The following DNAH9 variants were observed in gnomAD, a reference collection of about 807,000 sequenced individuals.
The protein encoded by DNAH9 is DNAH9 variant protein.
In DNAH9, 345 loss-of-function variants were observed where a neutral mutation model predicts 471.6. The ratio of observed to expected loss-of-function variants is 0.73; its 90% confidence interval spans 0.67 to 0.80. DNAH9 has a LOEUF of 0.80. Ranked by LOEUF, DNAH9 falls within the 30% of genes least tolerant of loss-of-function variation. DNAH9 has a pLI of 0.00. For missense variants in DNAH9, 5,407 were observed against 5,609.2 expected, an observed-to-expected ratio of 0.96 and a Z score of 1.15; for synonymous variants, 2,093 against 2,123.6, an observed-to-expected ratio of 0.99 and a Z score of 0.40.
chr17:11,800,248 A>G (rs1273543248), intron 43 of DNAH9, among the ~76,000 whole-genome samples: 4 of 151,366 alleles, frequency 2.6e-5, no homozygotes, highest in Non-Finnish European at 1.5e-5. Flanking sequence ...TGCCTTCCCT[A>G]CAACTTCAGT....
chr17:11,712,266 G>A (rs2074881071), intron 26 of DNAH9, among the ~76,000 whole-genome samples: 1 of 149,108 alleles, frequency 6.7e-6, no homozygotes, highest in African/African-American at 2.5e-5. Context: ...TCTGTAGTTG[G>A]TTATTTTTTA....
chr17:11,604,614 A>G (rs567355489), intron 1 of DNAH9, among the ~76,000 whole-genome samples: 1 of 151,712 alleles, frequency 6.6e-6, no homozygotes, highest in Non-Finnish European at 1.5e-5. Flanking sequence ...ATCTTACTCC[A>G]CCTTTACTCC....
rs1969306901 is a variant in DNAH9, at chr17:11,797,938, A to AGCAGCT, written c.8420+152_8420+157dup. ...TAAAAGTCAAGATGGCTGCTGGCAG[A>AGCAGCT]GCAGCTGCAGCTCCTGCCGCAGACC... On this transcript the variant is annotated intron_variant, in intron 43 of 68. Coordinates refer to ENST00000262442, the MANE Select transcript of DNAH9 (RefSeq NM_001372.4). The AGCAGCT allele has an allele frequency of 1.7e-5, 13 of 780,240 alleles. No individual in the cohort carries two copies. The East Asian group carries it at 3.5e-4, about 21-fold the overall frequency. The allele number at this position is 780,240 out of a possible 1,614,324, so 48.3% of individuals were successfully genotyped here. A position where few individuals can be genotyped will look rare whatever the true frequency, so the allele number is the denominator to read the frequency against.
chr17:11,767,683 G>A (rs935431867), intron 36 of DNAH9, among the ~76,000 whole-genome samples: 2 of 145,186 alleles, frequency 1.4e-5, no homozygotes, highest in African/African-American at 5.6e-5. Flanking sequence ...GTAGTAATGG[G>A]TATGTTTTGG....
intron 59 of DNAH9, among the ~76,000 whole-genome samples, chr17:11,899,700 A>G (rs766312771): frequency 3.1e-4 from 47 of 152,148 alleles, no homozygotes; most frequent in Non-Finnish European, 7.3e-5. Flanking sequence ...AGGGTTAATA[A>G]TGATGCAAAC....
chr17:11,742,093 G>C, intron 29 of DNAH9, 82 bp from the exon 30 acceptor site: 1 of 1,314,204 alleles, frequency 7.6e-7, no homozygotes, highest in Non-Finnish European at 1.1e-6. Context: ...GTGTGATCTC[G>C]GCCAGTGCTT....
Position 11,689,646 on chromosome 17 carries a change from T to A in DNAH9, c.3824T>A (p.Ile1275Asn), listed in dbSNP as rs1567720001. The A allele has an allele frequency of 1.2e-6, 2 of 1,614,098 alleles. No individual in the cohort carries two copies. The highest frequency in any genetic ancestry group is 3.3e-5 in the Admixed American group (2 of 60,020). Residue 1275 changes from isoleucine (I) to asparagine (N), a missense_variant, in exon 20 of 69, where the codon ATT becomes AAT. By Grantham distance (149) the Ile-to-Asn change is moderately radical. Transcript: ENST00000262442. ...IQQMESTMAS[I>N]SESASLFEVN... ...CAGATGGAATCCACTATGGCCTCCA[T>A]TTCTGAGTCTGCCAGCTTATTTGAA... is the stretch of plus-strand genomic sequence containing the variant.
chr17:11,957,843 T>C, intron 67 of DNAH9, among the ~76,000 whole-genome samples: 1 of 152,190 alleles, frequency 6.6e-6, no homozygotes, highest in East Asian at 1.9e-4. Flanking sequence ...GCTATTACCA[T>C]TAGGGGAGAC....
chr17:11,903,366 G>C (rs546633117), intron 60 of DNAH9, among the ~76,000 whole-genome samples: 1 of 151,384 alleles, frequency 6.6e-6, no homozygotes, highest in East Asian at 1.9e-4. Flanking sequence ...AAAAAAAAAA[G>C]GAAATTAAAT....
At chr17:11,797,963 C>A (rs1178182164) in intron 43 of DNAH9, among the ~76,000 whole-genome samples, 170 bp downstream of exon 43, 1 of 152,068 alleles carries the variant, frequency 6.6e-6, no homozygotes, top group Non-Finnish European at 1.5e-5. Context: ...TGCCGCAGAC[C>A]CTAGGGGGCA....
chr17:11,788,693 TTA>T (rs1368390370), intron 41 of DNAH9, among the ~76,000 whole-genome samples: 2 of 152,154 alleles, frequency 1.3e-5, no homozygotes, highest in Non-Finnish European at 2.9e-5. Context: ...AGAGTAACAG[TTA>T]TGTTTCTTTC....
chr17:11,608,756 T>C (rs1413399816), intron 2 of DNAH9, among the ~76,000 whole-genome samples: 1 of 152,132 alleles, frequency 6.6e-6, no homozygotes, highest in Non-Finnish European at 1.5e-5. Flanking sequence ...AGTTCCAGAC[T>C]CTCCTCCCCC....
At chr17:11,853,353 T>G (rs997293228) in intron 49 of DNAH9, 4 of 152,544 alleles carry the variant, frequency 2.6e-5, no homozygotes, top group Non-Finnish European at 4.4e-5. Flanking sequence ...AATTTACAGA[T>G]GAAGGTGGCA....
At chr17:11,925,238 GT>G in intron 62 of DNAH9, 1 of 453,328 alleles carries the variant, frequency 2.2e-6, no homozygotes, top group Non-Finnish European at 4.4e-6. Context: ...CAAAAGGCCG[GT>G]GGGTCAAGGA....
At chr17:11,704,137 G>T (rs2074654307) in intron 24 of DNAH9, 66 bp from the exon 25 acceptor site, 7 of 1,589,142 alleles carry the variant, frequency 4.4e-6, no homozygotes, top group African/African-American at 1.3e-5. Context: ...CCCTTGCTGT[G>T]TGATGAGTGG....
intron 10 of DNAH9, among the ~76,000 whole-genome samples, chr17:11,642,209 CG>C (rs1467713523): frequency 1.3e-5 from 2 of 152,090 alleles, no homozygotes; most frequent in Non-Finnish European, 2.9e-5. Context: ...CTATAATTCC[CG>C]TGAAAACTCC....
At chr17:11,877,208 C>T (rs939274425) in intron 53 of DNAH9, among the ~76,000 whole-genome samples, 6 of 151,244 alleles carry the variant, frequency 4.0e-5, no homozygotes, top group Non-Finnish European at 2.9e-5. Flanking sequence ...CGCAGTGGCT[C>T]GAGCCTGTAA....
Position 11,631,979 on chromosome 17 carries a change from T to TAA in DNAH9, c.1519-598_1519-597dup, listed in dbSNP as rs35983418. Among the ~76,000 whole-genome samples the TAA allele has an allele frequency of 4.0e-3, 606 of 149,888 alleles. 3 individuals carry two copies. Among genetic ancestry groups the TAA allele is most frequent in the African/African-American group, 0.014 (556 of 41,030 alleles). On this transcript the variant is annotated intron_variant, in intron 7 of 68. Transcript: ENST00000262442. ...ATAAACTACACTAATTTGGACATAC[T>TAA]AAAAAAAAAAATTCTTGTTTACCTG...
chr17:11,598,906 G>A lies in DNAH9; in HGVS notation c.408G>A (p.Leu136=). 6.6e-7 allele frequency: 1 copy of A among 1,523,112 alleles called. No homozygotes were observed. The highest frequency in any genetic ancestry group is 2.6e-5 in the East Asian group (1 of 38,010). 94.3% of individuals were successfully genotyped at this position (1,523,112 alleles called of 1,614,324 possible). A position where few individuals can be genotyped will look rare whatever the true frequency, so the allele number is the denominator to read the frequency against. The change falls in exon 1 of 69, where the codon CTG becomes CTA. Residue 136 remains leucine, a synonymous_variant. Coordinates refer to ENST00000262442, the MANE Select transcript of DNAH9 (RefSeq NM_001372.4). ...PAAPLEHLAA[L]FSEVVLPVLA... ...CACCTCTGGAGCACCTAGCCGCGCT[G>A]TTCTCGGAGGTGAGGGTGGGTTAGT... is the stretch of plus-strand genomic sequence containing the variant.
Sources: allele counts gnomAD v4.1 joint callset (sites outside exome capture counted in the v4.1 genomes callset), GRCh38; gene constraint gnomAD v4.1.1; transcripts MANE v1.5; gene names NCBI Gene and HGNC (gene_info 2026-07-23, HGNC 2026-07-21).